PCDHA11: variants seen among roughly 807,000 people sequenced by gnomAD.
The protein encoded by PCDHA11 is protocadherin alpha 11.
Under a neutral mutation model 70.3 loss-of-function variants are expected in PCDHA11, and 61 were observed. The observed-to-expected ratio is 0.87, with a 90% CI of 0.71 to 1.07. The LOEUF (loss-of-function observed/expected upper bound fraction) is 1.07, where lower values mean the gene tolerates loss of function less well. Ranked by LOEUF, PCDHA11 falls within the 50% of genes least tolerant of loss-of-function variation. The probability of loss-of-function intolerance (pLI) is 0.00; values close to 1 mark genes in which losing one functional copy is unlikely to be tolerated. For missense variants in PCDHA11, 1,324 were observed against 1,237.5 expected (o/e 1.07, Z -1.05); for synonymous variants, 633 against 555.1 (o/e 1.14, Z -1.97).
intron 1 of PCDHA11, among the ~76,000 whole-genome samples, chr5:140,918,603 A>G (rs2078773753): frequency 6.6e-6 from 1 of 152,252 alleles, no homozygotes; most frequent in African/African-American, 2.4e-5. Context: ...AGATGTTGCT[A>G]TGATATGAAT....
intron 1 of PCDHA11, among the ~76,000 whole-genome samples, chr5:140,933,444 A>T (rs1478759836): frequency 1.3e-5 from 2 of 152,184 alleles, no homozygotes; most frequent in African/African-American, 4.8e-5. Flanking sequence ...CTAATGACAT[A>T]CCTTCAAAAT....
chr5:140,882,450 C>T (rs781827745), intron 1 of PCDHA11: 2 of 1,613,990 alleles, frequency 1.2e-6, no homozygotes, highest in Non-Finnish European at 1.7e-6. Flanking sequence ...GAGCTGGTGC[C>T]GCGCCTGTTC....
At chr5:140,876,673 T>C (rs1554168774) in intron 1 of PCDHA11, 1 of 1,614,206 alleles carries the variant, frequency 6.2e-7, no homozygotes, top group Non-Finnish European at 8.5e-7. Flanking sequence ...GGTGTCCACC[T>C]ACAAGAATTA....
intron 1 of PCDHA11, chr5:140,884,197 G>A (rs146010500): frequency 3.1e-6 from 5 of 1,613,234 alleles, no homozygotes; most frequent in Non-Finnish European, 4.2e-6. Context: ...TGGACGCGCC[G>A]CACCACCGCC....
intron 1 of PCDHA11, chr5:140,876,650 T>C (rs782068706): frequency 3.1e-6 from 5 of 1,614,162 alleles, no homozygotes; most frequent in South Asian, 2.2e-5. Context: ...ACACCTCATG[T>C]TCCCTTCAAG....
intron 1 of PCDHA11, chr5:140,881,225 T>C (rs1026658425): frequency 9.3e-5 from 25 of 267,532 alleles, no homozygotes; most frequent in Non-Finnish European, 1.4e-4. Context: ...TCTTGGAAAA[T>C]TAAAGTCAAT....
intron 1 of PCDHA11, chr5:140,881,269 G>T (rs1016077757): frequency 3.1e-6 from 2 of 648,656 alleles, no homozygotes; most frequent in Non-Finnish European, 1.9e-6. Context: ...CAGTGATGAT[G>T]AAGTAAGATG....
Position 140,982,346 on chromosome 5 carries a change from G to T in PCDHA11, c.2451-129G>T, listed in dbSNP as rs1484322650. On this transcript the variant is annotated intron_variant, in intron 2 of 3. Coordinates refer to ENST00000398640, the MANE Select transcript of PCDHA11 (RefSeq NM_018902.5). ...TGACTGCTCAGCAGTAATTGCTTCA[G>T]TTCAAGCATGAGCAGAATGTGTTAG... 2.7e-6 allele frequency: 4 copies of T among 1,492,344 alleles called. No homozygotes were observed. The Admixed American group carries it at 8.5e-5, about 32-fold the overall frequency. The allele number at this position is 1,492,344 out of a possible 1,614,324, so 92.4% of individuals were successfully genotyped here. A position where few individuals can be genotyped will look rare whatever the true frequency, so the allele number is the denominator to read the frequency against.
intron 1 of PCDHA11, chr5:140,882,841 A>G: frequency 6.2e-7 from 1 of 1,614,232 alleles, no homozygotes; most frequent in East Asian, 2.2e-5. Flanking sequence ...AAATGTCTTC[A>G]TTATCACTTG....
intron 1 of PCDHA11, among the ~76,000 whole-genome samples, chr5:140,930,805 A>T (rs2087129378): frequency 6.6e-6 from 1 of 152,218 alleles, no homozygotes; most frequent in Non-Finnish European, 1.5e-5. Flanking sequence ...CCAGCATATA[A>T]GATATGCTTA....
At chr5:140,966,522 G>A (rs1350046535) in intron 1 of PCDHA11, 2 of 437,040 alleles carry the variant, frequency 4.6e-6, no homozygotes, top group Non-Finnish European at 7.9e-6. Flanking sequence ...GCAGGAAGCC[G>A]AGCCGGGTTG....
chr5:140,966,486 C>G (rs1563351032), intron 1 of PCDHA11: 1 of 432,846 alleles, frequency 2.3e-6, no homozygotes. Context: ...CTTTTCCCTC[C>G]CCCTGGAGCT....
intron 1 of PCDHA11, chr5:140,877,636 C>T (rs1554169939): frequency 1.2e-6 from 2 of 1,613,640 alleles, no homozygotes; most frequent in Admixed American, 1.7e-5. Context: ...CACTGCGCTG[C>T]GTTGCTCAGC....
intron 1 of PCDHA11, among the ~76,000 whole-genome samples, chr5:140,934,025 A>C (rs190533956): frequency 1.2e-3 from 183 of 152,100 alleles, no homozygotes; most frequent in Non-Finnish European, 2.2e-3. Flanking sequence ...ACTTGGAAGT[A>C]GTTTATTAAT....
chr5:140,931,395 C>T lies in PCDHA11; in HGVS notation c.2392-47554C>T, dbSNP rs141099105. Among the ~76,000 whole-genome samples the T allele has an allele frequency of 5.8e-3, 884 of 151,620 alleles. 4 individuals carry two copies. The highest frequency in any genetic ancestry group is 0.021 in the African/African-American group (851 of 41,384). ...AGACTAGAAAGGAAACATAAGTAAG[C>T]GATAGGAAGGCTGATGAATCTAGAA... On this transcript the variant is annotated intron_variant, in intron 1 of 3. Coordinates refer to ENST00000398640, the MANE Select transcript of PCDHA11 (RefSeq NM_018902.5).
chr5:140,924,768 G>C lies in PCDHA11; in HGVS notation c.2391+53274G>C, dbSNP rs562954470. ...AAATTAACCGAGCATGGTGGTGCGCGCTTGTAGTCCTAGCTACTTAGGAGG... is the reference window on the plus strand; with the variant it reads ...AAATTAACCGAGCATGGTGGTGCGCCCTTGTAGTCCTAGCTACTTAGGAGG... On this transcript the variant is annotated intron_variant, in intron 1 of 3. Coordinates refer to ENST00000398640, the MANE Select transcript of PCDHA11 (RefSeq NM_018902.5). Among the ~76,000 whole-genome samples the C allele has an allele frequency of 3.9e-3, 597 of 151,896 alleles. 3 individuals are homozygous for C. The highest frequency in any genetic ancestry group is 0.014 in the African/African-American group (579 of 41,424).
rs1255699815 is a variant in PCDHA11, at chr5:140,984,173, C to T, written c.2539+1610C>T. On this transcript the variant is annotated intron_variant, in intron 3 of 3. Transcript: ENST00000398640. The stretch of plus-strand genomic sequence containing the variant: ...AGGTGAGAACTTCCCAAAGAAGCCA[C>T]GTGAAATCATGACTTTCTACCTTGC... Among the ~76,000 whole-genome samples, 5 of 152,166 alleles carry T rather than the reference C, an allele frequency of 3.3e-5. No individual in the cohort carries two copies. The South Asian group carries it at 6.2e-4, about 19-fold the overall frequency.
intron 1 of PCDHA11, among the ~76,000 whole-genome samples, chr5:140,949,318 T>C (rs1554218908): frequency 6.6e-6 from 1 of 151,876 alleles, no homozygotes; most frequent in African/African-American, 2.4e-5. Flanking sequence ...GATTTATAAA[T>C]ATAAATTATT....
chr5:140,898,579 T>A (rs1471026172), intron 1 of PCDHA11, among the ~76,000 whole-genome samples: 1 of 152,222 alleles, frequency 6.6e-6, no homozygotes, highest in African/African-American at 2.4e-5. Flanking sequence ...GCCATGCTGT[T>A]TTGGTTACTG....
Sources: gnomAD v4.1 joint callset for allele counts (sites outside exome capture counted in the v4.1 genomes callset) on GRCh38, gnomAD v4.1.1 for gene constraint, MANE v1.5 for transcripts, NCBI Gene and HGNC (gene_info 2026-07-23, HGNC 2026-07-21) for gene names.